GMDS: variants seen among roughly 807,000 people sequenced by gnomAD.
GMDS encodes the protein GDP-mannose 4,6 dehydratase.
A neutral mutation model predicts 49.9 loss-of-function variants in GMDS; 20 were observed. The ratio of observed to expected loss-of-function variants is 0.40; its 90% CI spans 0.28 to 0.58. The LOEUF (loss-of-function observed/expected upper bound fraction) is 0.58, where lower values mean the gene tolerates loss of function less well. Among genes scored for constraint, GMDS ranks in the 20% least tolerant of loss-of-function variants. The pLI, the probability that GMDS is intolerant of heterozygous loss-of-function variation, is 0.42. For missense variants in GMDS, 362 were observed against 481.4 expected (o/e 0.75, Z 2.32); for synonymous variants, 177 against 178.6 (o/e 0.99, Z 0.07).
At chr6:2,086,548 C>T (rs1033253153) in intron 4 of GMDS, among the ~76,000 whole-genome samples, 7 of 152,228 alleles carry the variant, frequency 4.6e-5, no homozygotes, top group African/African-American at 1.7e-4. Context: ...CCAAAGCTGC[C>T]GTTCTGCAGC....
At chr6:2,231,541 G>A (rs1781111190) in intron 1 of GMDS, among the ~76,000 whole-genome samples, 1 of 152,136 alleles carries the variant, frequency 6.6e-6, no homozygotes, top group Non-Finnish European at 1.5e-5. Context: ...TTCAGCCTGG[G>A]CAATAGAGCC....
chr6:1,685,179 T>G (rs1466309054), intron 9 of GMDS, among the ~76,000 whole-genome samples: 3 of 151,844 alleles, frequency 2.0e-5, no homozygotes, highest in Non-Finnish European at 4.4e-5. Flanking sequence ...GGCAGATCAC[T>G]TGAGGTCAAG....
chr6:2,157,474 A>G (rs1271881736), intron 1 of GMDS, among the ~76,000 whole-genome samples: 2 of 152,228 alleles, frequency 1.3e-5, no homozygotes, highest in African/African-American at 2.4e-5. Flanking sequence ...GTCTCAGCCC[A>G]CTGACCAAGG....
At chr6:1,725,090 AAC>A (rs2113437807) in intron 9 of GMDS, among the ~76,000 whole-genome samples, 1 of 151,640 alleles carries the variant, frequency 6.6e-6, no homozygotes, top group South Asian at 2.1e-4. Flanking sequence ...AAGGTTGAAC[AAC>A]AGATAGGAAT....
intron 2 of GMDS, among the ~76,000 whole-genome samples, chr6:2,122,224 G>C (rs547349901): frequency 2.6e-5 from 4 of 152,110 alleles, no homozygotes; most frequent in Admixed American, 6.5e-5. Flanking sequence ...CTTTAGTTGT[G>C]GTGGTTTCTC....
At chr6:2,121,884 T>C (rs1349028498) in intron 2 of GMDS, among the ~76,000 whole-genome samples, 5 of 152,130 alleles carry the variant, frequency 3.3e-5, no homozygotes, top group African/African-American at 1.2e-4. Flanking sequence ...CTGTGGCCTC[T>C]CCACACTGCC....
At position 1,784,263 on chromosome 6, in the gene GMDS, G is replaced by T. The variant is rs541881208; in HGVS notation, c.772-41677C>A. On this transcript the variant is annotated intron_variant, in intron 7 of 10. Transcript: ENST00000380815. ...AAAAATTGGCTGGGTGTGGTGGCGGGCACCTGTAATCCCAGCTACTCAGGA... is the reference window on the plus strand; with the variant it reads ...AAAAATTGGCTGGGTGTGGTGGCGGTCACCTGTAATCCCAGCTACTCAGGA... 1.5e-3 allele frequency among the ~76,000 whole-genome samples: 231 copies of T among 151,724 alleles called. 1 individual carries two copies. Among genetic ancestry groups the T allele is most frequent in the South Asian group, 1.9e-3 (9 of 4,780 alleles).
At chr6:1,741,130 C>T (rs1414332735) in intron 8 of GMDS, among the ~76,000 whole-genome samples, 2 of 152,032 alleles carry the variant, frequency 1.3e-5, no homozygotes, top group East Asian at 3.9e-4. Context: ...TATAATGATC[C>T]ATTCAGGGTA....
intron 1 of GMDS, among the ~76,000 whole-genome samples, chr6:2,232,502 T>C (rs987331884): frequency 2.6e-5 from 4 of 152,240 alleles, no homozygotes; most frequent in African/African-American, 4.8e-5. Context: ...TCCACTTTCA[T>C]GTTTCTTAGA....
At chr6:1,810,599 T>C (rs1361613091) in intron 7 of GMDS, among the ~76,000 whole-genome samples, 1 of 151,984 alleles carries the variant, frequency 6.6e-6, no homozygotes, top group Non-Finnish European at 1.5e-5. Context: ...AGCAGTTTTA[T>C]GGCAGGGGGA....
intron 1 of GMDS, among the ~76,000 whole-genome samples, chr6:2,207,157 A>G (rs1779843644): frequency 6.6e-6 from 1 of 152,152 alleles, no homozygotes; most frequent in Non-Finnish European, 1.5e-5. Flanking sequence ...GGGGTCAACA[A>G]TAATCAATGA....
chr6:2,121,432 C>G (rs1018962129), intron 2 of GMDS, among the ~76,000 whole-genome samples: 5 of 152,144 alleles, frequency 3.3e-5, no homozygotes, highest in African/African-American at 1.2e-4. Flanking sequence ...ATTCAAGAAA[C>G]AAACAACATT....
At chr6:2,130,011 T>C (rs59520004) in intron 1 of GMDS, among the ~76,000 whole-genome samples, 16,714 of 152,188 alleles carry the variant, frequency 0.11, 3,035 homozygotes, top group African/African-American at 0.38. Flanking sequence ...AGTTAGGAAG[T>C]AGCAGAACCT....
chr6:1,801,051 G>C (rs1330668152), intron 7 of GMDS, among the ~76,000 whole-genome samples: 1 of 152,188 alleles, frequency 6.6e-6, no homozygotes, highest in African/African-American at 2.4e-5. Flanking sequence ...CCTGAAAAGT[G>C]ACACTCGGGG....
intron 9 of GMDS, among the ~76,000 whole-genome samples, chr6:1,699,450 T>G (rs1765464116): frequency 6.6e-6 from 1 of 151,646 alleles, no homozygotes; most frequent in African/African-American, 2.4e-5. Context: ...TTAACGCAGG[T>G]GTAGGGGTTT....
chr6:2,147,805 A>G (rs935676305), intron 1 of GMDS, among the ~76,000 whole-genome samples: 2 of 150,168 alleles, frequency 1.3e-5, no homozygotes, highest in African/African-American at 4.9e-5. Flanking sequence ...GATGTATCCA[A>G]GCCTAGTACA....
intron 7 of GMDS, among the ~76,000 whole-genome samples, chr6:1,885,257 T>A (rs1759547408): frequency 2.6e-5 from 4 of 152,150 alleles, no homozygotes; most frequent in South Asian, 4.1e-4. Flanking sequence ...AGCCTAGTTA[T>A]CTCCATGTTA....
At chr6:2,245,256 G>T (rs1452503659) in intron 1 of GMDS, 65 bp downstream of exon 1, 1 of 1,094,218 alleles carries the variant, frequency 9.1e-7, no homozygotes, top group Non-Finnish European at 1.3e-6. Context: ...CACGAGTAGC[G>T]GCGCGTAGGG....
intron 7 of GMDS, among the ~76,000 whole-genome samples, chr6:1,914,799 C>T (rs564117497): frequency 1.8e-4 from 28 of 152,352 alleles, no homozygotes; most frequent in Non-Finnish European, 3.7e-4. Flanking sequence ...GTCTGCAAAG[C>T]TCAACATCCA....
Sources: gnomAD v4.1 joint callset for allele counts (sites outside exome capture counted in the v4.1 genomes callset) on GRCh38, gnomAD v4.1.1 for gene constraint, MANE v1.5 for transcripts, NCBI Gene and HGNC (gene_info 2026-07-23, HGNC 2026-07-21) for gene names.